The following ZNF157 variants were observed in gnomAD, a reference collection of about 807,000 sequenced individuals.
ZNF157 encodes zinc finger protein 22.
ZNF157 carries 8 observed loss-of-function variants against 9.4 expected under a neutral mutation model. The ratio of observed to expected loss-of-function variants is 0.85; its 90% CI spans 0.50 to 1.53. The LOEUF is 1.53. Among genes scored for constraint, ZNF157 ranks in the 40% most tolerant of loss-of-function variants. The pLI is 0.00. For synonymous variants in ZNF157, 120 were observed against 130.8 expected (o/e 0.92, Z 0.56); for missense variants, 316 against 385.2 (o/e 0.82, Z 1.50).
At chrX:47,403,150 A>T (rs2055935921) in intron 1 of ZNF157, among the ~76,000 whole-genome samples, 1 of 108,149 alleles carries the variant, frequency 9.2e-6, no homozygotes, top group South Asian at 4.1e-4. Flanking sequence ...GGTGGCAGAC[A>T]CCTGTAATCC....
At chrX:47,388,877 G>C (rs137916470) in intron 1 of ZNF157, 2 of 111,952 alleles carry the variant, frequency 1.8e-5, no homozygotes, top group African/African-American at 6.5e-5. Context: ...GTCCAGCCTG[G>C]AGTGCAGTGG....
intron 1 of ZNF157, among the ~76,000 whole-genome samples, chrX:47,395,639 C>T (rs976533549): frequency 8.9e-6 from 1 of 112,270 alleles, no homozygotes; most frequent in Non-Finnish European, 1.9e-5. Flanking sequence ...GTGATGCTCA[C>T]ACTTTCCCCT....
chrX:47,407,037 A>G (rs1337845455), intron 1 of ZNF157, among the ~76,000 whole-genome samples: 1 of 111,880 alleles, frequency 8.9e-6, no homozygotes, highest in Non-Finnish European at 1.9e-5. Flanking sequence ...TCCTACTTTG[A>G]TGAGAGGTTT....
chrX:47,387,826 A>T (rs1247172772), intron 1 of ZNF157, among the ~76,000 whole-genome samples: 1 of 97,931 alleles, frequency 1.0e-5, no homozygotes, highest in African/African-American at 3.7e-5. Context: ...TCACCTGAAC[A>T]CAGGAGGCTG....
At position 47,412,857 on chromosome X, in the gene ZNF157, AC is replaced by A; in HGVS notation, c.785del (p.Thr262ArgfsTer24). The stretch of plus-strand genomic sequence containing the variant: ...AACCTTTTCTGAGAAGGCAACCCTC[AC>A]GATTCATCAGAGAACTCACACAGGG... Reference protein sequence around the residue: ...GKTFSEKATLTIHQRTHTGEK... With the variant: ...GKTFSEKATLXIHQRTHTGEK... On this transcript the variant is annotated frameshift_variant, in exon 4 of 4. Coordinates refer to ENST00000377073, the MANE Select transcript of ZNF157 (RefSeq NM_003446.4). LOFTEE classifies it low-confidence loss of function (END_TRUNC). The A allele has an allele frequency of 8.3e-7, 1 of 1,211,934 alleles. No individual in the cohort carries two copies. Among genetic ancestry groups the A allele is most frequent in the Non-Finnish European group, 1.1e-6 (1 of 895,500 alleles).
intron 1 of ZNF157, among the ~76,000 whole-genome samples, chrX:47,374,857 C>T (rs1294780784): frequency 1.3e-4 from 14 of 104,015 alleles, no homozygotes; most frequent in Non-Finnish European, 2.7e-4. Context: ...TACAGGCACC[C>T]GCCACCATGC....
At chrX:47,410,129 C>A in intron 1 of ZNF157, 147 bp from the exon 2 acceptor site, 2 of 806,925 alleles carry the variant, frequency 2.5e-6, no homozygotes, top group South Asian at 2.4e-5. Context: ...GTACCCCCCA[C>A]CCCAAAAGTA....
At chrX:47,382,780 A>G (rs1207848048) in intron 1 of ZNF157, among the ~76,000 whole-genome samples, 1 of 109,820 alleles carries the variant, frequency 9.1e-6, no homozygotes. Flanking sequence ...GATAGGCTTC[A>G]TATGCAGGCC....
intron 1 of ZNF157, among the ~76,000 whole-genome samples, chrX:47,393,726 C>T (rs1472178242): frequency 5.1e-5 from 4 of 78,157 alleles, no homozygotes; most frequent in South Asian, 6.8e-4. Flanking sequence ...CTACCATCCC[C>T]GCCACCCTCC....
chrX:47,402,675 G>A (rs188657109), intron 1 of ZNF157, among the ~76,000 whole-genome samples: 16 of 107,932 alleles, frequency 1.5e-4, no homozygotes, highest in Non-Finnish European at 2.5e-4. Flanking sequence ...GAGTAGCTGG[G>A]TCTACAGGCG....
At chrX:47,374,998 CTTTTTTTTTTTTTTT>C (rs769541152) in intron 1 of ZNF157, among the ~76,000 whole-genome samples, 7,282 of 24,445 alleles carry the variant, frequency 0.3, 779 homozygotes, top group South Asian at 0.54. Context: ...GGCTGACAAT[CTTTTTTTTTTTTTTT>C]TTTTTTTTTT....
At chrX:47,388,330 C>T (rs767604077) in intron 1 of ZNF157, among the ~76,000 whole-genome samples, 7 of 109,553 alleles carry the variant, frequency 6.4e-5, no homozygotes, top group African/African-American at 9.9e-5. Context: ...GTCATCCTCC[C>T]GCCTCAGCCT....
At chrX:47,377,571 A>G (rs1482908047) in intron 1 of ZNF157, among the ~76,000 whole-genome samples, 3 of 109,560 alleles carry the variant, frequency 2.7e-5, no homozygotes, top group Non-Finnish European at 5.7e-5. Flanking sequence ...AGCTGGGACT[A>G]CAAGCATGTG....
rs753059247 is a variant in ZNF157 at position 47,413,154 on chromosome X, A to G, written c.1081A>G (p.Asn361Asp). ...THTGEKPYQC[N>D]ECGKSFRVHS... ...CACAGGTGAAAAGCCCTATCAGTGTAATGAATGTGGGAAATCTTTCAGGGT... is the reference window on the plus strand; with the variant it reads ...CACAGGTGAAAAGCCCTATCAGTGTGATGAATGTGGGAAATCTTTCAGGGT... The change falls in exon 4 of 4, where the codon AAT becomes GAT. Residue 361 changes from asparagine to aspartate, a missense_variant. Coordinates refer to ENST00000377073, the MANE Select transcript of ZNF157 (RefSeq NM_003446.4). 8.3e-7 allele frequency: 1 copy of G among 1,211,652 alleles called. No individual in the cohort carries two copies. Among genetic ancestry groups the G allele is most frequent in the East Asian group, 3.0e-5 (1 of 33,834 alleles).
chrX:47,408,204 G>T (rs1373113130), intron 1 of ZNF157, among the ~76,000 whole-genome samples: 3 of 110,701 alleles, frequency 2.7e-5, no homozygotes, highest in Admixed American at 9.7e-5. Context: ...CTGGGTTCAA[G>T]TGATTCCTGA....
chrX:47,413,312 C>G lies in ZNF157; in HGVS notation c.1239C>G (p.Pro413=), dbSNP rs1569261707. Residue 413 remains proline (P), a synonymous_variant, in exon 4 of 4, where the codon CCC becomes CCG. Transcript: ENST00000377073. ...EHQRMHSGEK[P]YECSECGKIF... ...AGAGGATGCATTCAGGAGAGAAACCCTACGAATGTAGTGAATGTGGGAAAA... is the reference window on the plus strand; with the variant it reads ...AGAGGATGCATTCAGGAGAGAAACCGTACGAATGTAGTGAATGTGGGAAAA... The G allele has an allele frequency of 8.3e-7, 1 of 1,211,328 alleles. No homozygotes were observed. The highest frequency in any genetic ancestry group is 3.0e-5 in the East Asian group (1 of 33,806).
chrX:47,391,871 G>GTGGAT (rs748660104), intron 1 of ZNF157, among the ~76,000 whole-genome samples: 1 of 100,871 alleles, frequency 9.9e-6, no homozygotes, highest in South Asian at 4.8e-4. Context: ...TTTTTGGACT[G>GTGGAT]TGGATACTGA....
At chrX:47,388,706 A>G (rs755755035) in intron 1 of ZNF157, 2 of 157,043 alleles carry the variant, frequency 1.3e-5, no homozygotes, top group Non-Finnish European at 2.7e-5. Context: ...AACACACCCA[A>G]TAGGAATCTG....
At position 47,412,775 on chromosome X, in the gene ZNF157, C is replaced by T. The variant is rs780490781; in HGVS notation, c.702C>T (p.Ile234=). The T allele has an allele frequency of 1.2e-5, 14 of 1,210,297 alleles. No individual in the cohort carries two copies. In the South Asian group the frequency reaches 2.3e-4, roughly 20 times the overall value. ...CTTTTGGCAGGAAGTCACAACTCAT[C>T]CTACATACAAGAACACACACTGGAG... ...GKSFGRKSQL[I]LHTRTHTGER... The change falls in exon 4 of 4, where the codon ATC becomes ATT. Residue 234 remains isoleucine, a synonymous_variant. Coordinates refer to ENST00000377073, the MANE Select transcript of ZNF157 (RefSeq NM_003446.4).
Sources: allele counts gnomAD v4.1 joint callset (sites outside exome capture counted in the v4.1 genomes callset), GRCh38; gene constraint gnomAD v4.1.1; transcripts MANE v1.5; gene names NCBI Gene and HGNC (gene_info 2026-07-23, HGNC 2026-07-21).